The following HMGB1 variants were observed in gnomAD, a reference collection of about 807,000 sequenced individuals.
HMGB1 encodes the protein high mobility group box 1.
For synonymous variants in HMGB1, 81 were observed against 84.0 expected, an observed-to-expected ratio of 0.96 and a Z score of 0.19; for missense variants, 79 against 253.5, an observed-to-expected ratio of 0.31 and a Z score of 4.67.
intron 1 of HMGB1, among the ~76,000 whole-genome samples, chr13:30,607,948 C>G (rs922685488): frequency 6.6e-6 from 1 of 152,176 alleles, no homozygotes; most frequent in African/African-American, 2.4e-5. Flanking sequence ...AGCCGGCCCC[C>G]AAGATGGCCT....
intron 1 of HMGB1, among the ~76,000 whole-genome samples, chr13:30,581,255 T>C (rs1238072595): frequency 6.6e-6 from 1 of 152,168 alleles, no homozygotes; most frequent in Non-Finnish European, 1.5e-5. Flanking sequence ...CTAGATCCAC[T>C]GCATACAGTG....
chr13:30,607,818 T>C (rs569441462), intron 1 of HMGB1, among the ~76,000 whole-genome samples: 1 of 152,292 alleles, frequency 6.6e-6, no homozygotes, highest in East Asian at 1.9e-4. Flanking sequence ...TTATAATATA[T>C]ATAAAAATAC....
chr13:30,554,630 G>C, intron 1 of HMGB1: 2 of 772,118 alleles, frequency 2.6e-6, no homozygotes, highest in Admixed American at 3.4e-5. Flanking sequence ...AATTGGTCTA[G>C]AAGAAGAAAA....
At chr13:30,568,387 G>A (rs1370773198) in intron 1 of HMGB1, among the ~76,000 whole-genome samples, 1 of 152,104 alleles carries the variant, frequency 6.6e-6, no homozygotes. Flanking sequence ...TGCACCTGAA[G>A]TTCCAGCTAC....
At chr13:30,575,433 T>C (rs1395105221) in intron 1 of HMGB1, among the ~76,000 whole-genome samples, 2 of 152,236 alleles carry the variant, frequency 1.3e-5, no homozygotes, top group African/African-American at 4.8e-5. Flanking sequence ...ATAGGGACTC[T>C]GTTCAATTCA....
intron 1 of HMGB1, among the ~76,000 whole-genome samples, chr13:30,548,154 T>C (rs544034589): frequency 6.6e-6 from 1 of 152,196 alleles, no homozygotes; most frequent in African/African-American, 2.4e-5. Context: ...AATCCCCACG[T>C]GTTGTGGGAG....
chr13:30,616,354 A>G (rs893361145), intron 1 of HMGB1, among the ~76,000 whole-genome samples: 2 of 152,264 alleles, frequency 1.3e-5, no homozygotes, highest in African/African-American at 2.4e-5. Flanking sequence ...TTTAAAAAAT[A>G]CAATTCAGTT....
chr13:30,543,550 A>T (rs1048470094), intron 1 of HMGB1: 2 of 152,462 alleles, frequency 1.3e-5, no homozygotes, highest in African/African-American at 4.8e-5. Flanking sequence ...CACCCACCTG[A>T]TCAAATCAGG....
intron 1 of HMGB1, among the ~76,000 whole-genome samples, chr13:30,500,730 T>C (rs919587267): frequency 8.0e-5 from 12 of 150,538 alleles, no homozygotes; most frequent in Non-Finnish European, 1.0e-4. Flanking sequence ...TAATTTCTTT[T>C]TTTTTTTTTT....
Position 30,532,531 on chromosome 13 carries a change from C to T in HMGB1, c.-14-68837G>A, listed in dbSNP as rs189924376. On this transcript the variant is annotated intron_variant, in intron 1 of 4. Transcript: ENST00000405805. ...TATTTTTTATATATGTTTTTTGAGA[C>T]GGAGTCTCACTCTGTCGCCCAGGGT... 1.7e-3 allele frequency among the ~76,000 whole-genome samples: 260 copies of T among 151,962 alleles called. 3 individuals are homozygous for T. Among genetic ancestry groups the T allele is most frequent in the African/African-American group, 6.0e-3 (247 of 41,430 alleles).
At chr13:30,483,115 A>G (rs2137433095) in intron 1 of HMGB1, among the ~76,000 whole-genome samples, 1 of 152,104 alleles carries the variant, frequency 6.6e-6, no homozygotes, top group South Asian at 2.1e-4. Flanking sequence ...TTGAGGAGCA[A>G]TTGTCCTAAT....
chr13:30,605,215 A>C (rs1950445449), intron 1 of HMGB1, among the ~76,000 whole-genome samples: 2 of 152,220 alleles, frequency 1.3e-5, no homozygotes, highest in African/African-American at 4.8e-5. Flanking sequence ...ATTTGGCACC[A>C]AGTGAATGTA....
intron 1 of HMGB1, among the ~76,000 whole-genome samples, chr13:30,560,954 T>C (rs1566025554): frequency 6.6e-6 from 1 of 151,726 alleles, no homozygotes; most frequent in African/African-American, 2.4e-5. Flanking sequence ...TTTTTTTTTT[T>C]CTCCAACAGC....
At chr13:30,564,621 T>C (rs1870111735) in intron 1 of HMGB1, among the ~76,000 whole-genome samples, 2 of 152,264 alleles carry the variant, frequency 1.3e-5, no homozygotes, top group South Asian at 4.1e-4. Flanking sequence ...TGCTGAGATT[T>C]TTCTATTGTG....
intron 1 of HMGB1, among the ~76,000 whole-genome samples, chr13:30,486,616 G>A (rs1407994981): frequency 6.6e-6 from 1 of 152,190 alleles, no homozygotes; most frequent in East Asian, 1.9e-4. Flanking sequence ...GGAACCTGTT[G>A]GACAGGACTG....
intron 1 of HMGB1, among the ~76,000 whole-genome samples, chr13:30,565,933 C>A (rs946034560): frequency 6.6e-6 from 1 of 152,194 alleles, no homozygotes; most frequent in Non-Finnish European, 1.5e-5. Context: ...GATTATGTTG[C>A]AAAGATGCAA....
chr13:30,539,140 G>A (rs1420520481), intron 1 of HMGB1, among the ~76,000 whole-genome samples: 1 of 152,014 alleles, frequency 6.6e-6, no homozygotes, highest in Admixed American at 6.6e-5. Flanking sequence ...TAAGTGATCC[G>A]CCCGCCTCAG....
At chr13:30,598,304 T>C (rs1871706416) in intron 1 of HMGB1, among the ~76,000 whole-genome samples, 1 of 152,256 alleles carries the variant, frequency 6.6e-6, no homozygotes, top group Non-Finnish European at 1.5e-5. Flanking sequence ...TAAGCACATA[T>C]ACAGAAAGTA....
At chr13:30,471,654 C>CTTT (rs1171119586) in intron 1 of HMGB1, among the ~76,000 whole-genome samples, 312 of 30,616 alleles carry the variant, frequency 0.01, 47 homozygotes, top group Non-Finnish European at 0.013. Flanking sequence ...CGTGCCCGGC[C>CTTT]TTTTTTTTTT....
Sources: allele counts gnomAD v4.1 joint callset (sites outside exome capture counted in the v4.1 genomes callset), GRCh38; gene constraint gnomAD v4.1.1; transcripts MANE v1.5; gene names NCBI Gene and HGNC (gene_info 2026-07-23, HGNC 2026-07-21).